Variants in SNTG1 observed in about 807,000 individuals in gnomAD.
The protein encoded by SNTG1 is syntrophin gamma 1.
In SNTG1, 39 loss-of-function variants were observed where a neutral mutation model predicts 74.7. That is an observed-to-expected ratio of 0.52 (90% confidence interval 0.40 to 0.68). SNTG1 has a LOEUF of 0.68. Ranked by LOEUF, SNTG1 falls within the 30% of genes least tolerant of loss-of-function variation. The pLI is 0.00. For synonymous variants in SNTG1, 254 were observed against 217.1 expected (o/e 1.17, Z -1.49); for missense variants, 685 against 609.5 (o/e 1.12, Z -1.30).
At chr8:50,234,180 A>C (rs983802260) in intron 2 of SNTG1, among the ~76,000 whole-genome samples, 3 of 152,008 alleles carry the variant, frequency 2.0e-5, no homozygotes, top group African/African-American at 7.2e-5. Context: ...ATGATTAAGC[A>C]AACTTTTGTA....
intron 1 of SNTG1, among the ~76,000 whole-genome samples, chr8:49,969,387 CTT>C (rs575026898): frequency 0.012 from 544 of 47,116 alleles, 4 homozygotes; most frequent in East Asian, 0.026. Flanking sequence ...TTCATTTAAT[CTT>C]TTTTTTTTTT....
intron 4 of SNTG1, among the ~76,000 whole-genome samples, chr8:50,424,262 A>G (rs1008669404): frequency 1.3e-5 from 2 of 152,190 alleles, no homozygotes; most frequent in Non-Finnish European, 2.9e-5. Flanking sequence ...CTAGGTCTGT[A>G]AGTCCTTGGC....
intron 1 of SNTG1, among the ~76,000 whole-genome samples, chr8:50,170,508 G>T (rs1460963429): frequency 6.6e-6 from 1 of 152,110 alleles, no homozygotes; most frequent in African/African-American, 2.4e-5. Flanking sequence ...TATGACATAT[G>T]TGGGGATACA....
chr8:49,957,930 T>C (rs1482567028), intron 1 of SNTG1, among the ~76,000 whole-genome samples: 1 of 152,080 alleles, frequency 6.6e-6, no homozygotes, highest in Non-Finnish European at 1.5e-5. Context: ...TGAGATTGCA[T>C]CTTAAAAAAT....
chr8:50,126,242 C>A (rs2081134770), intron 1 of SNTG1, among the ~76,000 whole-genome samples: 1 of 152,112 alleles, frequency 6.6e-6, no homozygotes, highest in African/African-American at 2.4e-5. Context: ...TTCTAAGAAT[C>A]TCAAACCAGG....
intron 15 of SNTG1, among the ~76,000 whole-genome samples, chr8:50,675,679 T>G (rs988327305): frequency 9.2e-5 from 14 of 152,108 alleles, no homozygotes; most frequent in African/African-American, 3.4e-4. Flanking sequence ...TATTATTATA[T>G]GTGAATTTGA....
At chr8:50,138,051 G>T (rs1257822058) in intron 1 of SNTG1, among the ~76,000 whole-genome samples, 1 of 151,978 alleles carries the variant, frequency 6.6e-6, no homozygotes, top group African/African-American at 2.4e-5. Flanking sequence ...CCATTCTGTT[G>T]TCTAAAGCTA....
At chr8:50,756,029 G>A (rs776127507) in intron 18 of SNTG1, among the ~76,000 whole-genome samples, 34 of 151,422 alleles carry the variant, frequency 2.2e-4, no homozygotes, top group East Asian at 7.8e-4. Context: ...ATTTTCATAC[G>A]CTAATTTTCA....
chr8:50,236,321 T>C (rs1177859460), intron 2 of SNTG1, among the ~76,000 whole-genome samples: 1 of 152,194 alleles, frequency 6.6e-6, no homozygotes, highest in African/African-American at 2.4e-5. Flanking sequence ...TATTTCTAAT[T>C]AGTGTCTTAG....
chr8:50,703,567 T>C (rs1024628086), intron 15 of SNTG1, among the ~76,000 whole-genome samples: 3 of 151,914 alleles, frequency 2.0e-5, no homozygotes, highest in African/African-American at 4.8e-5. Context: ...ACTAAAAAAA[T>C]AGGAGTACAG....
In SNTG1 at chr8:50,324,777, T is replaced by G. The variant is rs576134370; in HGVS notation, c.-27-69435T>G. ...GCTGAACTCTAGCTTATCAATAATTTCTTTCATGAACTATGCCTCTGGTTA... is the reference window on the plus strand; with the variant it reads ...GCTGAACTCTAGCTTATCAATAATTGCTTTCATGAACTATGCCTCTGGTTA... On this transcript the variant is annotated intron_variant, in intron 2 of 18. Coordinates refer to ENST00000642720, the MANE Select transcript of SNTG1 (RefSeq NM_018967.5). 5.0e-4 allele frequency among the ~76,000 whole-genome samples: 76 copies of G among 152,096 alleles called. 1 individual carries two copies. In the South Asian group the frequency reaches 0.016, roughly 31 times the overall value.
At chr8:49,976,811 T>C (rs1240181008) in intron 1 of SNTG1, among the ~76,000 whole-genome samples, 3 of 152,048 alleles carry the variant, frequency 2.0e-5, no homozygotes, top group African/African-American at 7.2e-5. Context: ...AAATTCTGGG[T>C]ACAATGGGAA....
intron 8 of SNTG1, among the ~76,000 whole-genome samples, chr8:50,479,594 C>G (rs958736206): frequency 6.6e-6 from 1 of 152,066 alleles, no homozygotes; most frequent in African/African-American, 2.4e-5. Flanking sequence ...TTCACAGGGC[C>G]TGAGACTTGT....
intron 1 of SNTG1, among the ~76,000 whole-genome samples, chr8:50,066,680 CAGTGA>C (rs1445261675): frequency 6.6e-6 from 1 of 152,232 alleles, no homozygotes; most frequent in African/African-American, 2.4e-5. Context: ...TGTAAATCTG[CAGTGA>C]AGAATAAATA....
At chr8:50,348,849 C>A (rs1288318159) in intron 2 of SNTG1, among the ~76,000 whole-genome samples, 2 of 152,126 alleles carry the variant, frequency 1.3e-5, no homozygotes, top group Non-Finnish European at 2.9e-5. Context: ...GACACAAGGT[C>A]TAGTTTAAGT....
chr8:49,967,631 C>T (rs952465501), intron 1 of SNTG1, among the ~76,000 whole-genome samples: 10 of 152,046 alleles, frequency 6.6e-5, no homozygotes, highest in Non-Finnish European at 1.2e-4. Flanking sequence ...TTAGCCTTTT[C>T]TCAACCTGCC....
intron 13 of SNTG1, among the ~76,000 whole-genome samples, chr8:50,602,529 T>G (rs1043410154): frequency 3.9e-5 from 6 of 152,234 alleles, no homozygotes; most frequent in Non-Finnish European, 7.3e-5. Flanking sequence ...TTAAGATGAA[T>G]AGTTTACACA....
At chr8:50,789,382 C>T (rs1320153883) in intron 18 of SNTG1, among the ~76,000 whole-genome samples, 5 of 151,906 alleles carry the variant, frequency 3.3e-5, no homozygotes, top group African/African-American at 7.2e-5. Context: ...GATGAGTGCC[C>T]AGTCATTTTC....
chr8:50,099,756 C>A (rs1304772816), intron 1 of SNTG1, among the ~76,000 whole-genome samples: 1 of 152,114 alleles, frequency 6.6e-6, no homozygotes, highest in Non-Finnish European at 1.5e-5. Flanking sequence ...AACATTTTCT[C>A]ATAAATCTGT....
Sources: gnomAD v4.1 joint callset for allele counts (sites outside exome capture counted in the v4.1 genomes callset) on GRCh38, gnomAD v4.1.1 for gene constraint, MANE v1.5 for transcripts, NCBI Gene and HGNC (gene_info 2026-07-23, HGNC 2026-07-21) for gene names.